The following PIK3C2G variants were observed in gnomAD, a reference collection of about 807,000 sequenced individuals.
PIK3C2G encodes the protein phosphatidylinositol-4-phosphate 3-kinase catalytic subunit type 2 gamma, also known as phosphatidylinositol 3-kinase C2 domain-containing subunit gamma.
Under a neutral mutation model 181.1 loss-of-function variants are expected in PIK3C2G, and 168 were observed. The ratio of observed to expected loss-of-function variants is 0.93; its 90% CI spans 0.82 to 1.05. The LOEUF (loss-of-function observed/expected upper bound fraction) is 1.05. Ranked by LOEUF, PIK3C2G falls within the 50% of genes least tolerant of loss-of-function variation. PIK3C2G has a pLI of 0.00. For synonymous variants in PIK3C2G, 573 were observed against 592.2 expected, an observed-to-expected ratio of 0.97 and a Z score of 0.47; for missense variants, 1,869 against 1,732.8, an observed-to-expected ratio of 1.08 and a Z score of -1.40.
At chr12:18,442,253 C>G (rs1946784419) in intron 18 of PIK3C2G, among the ~76,000 whole-genome samples, 1 of 152,012 alleles carries the variant, frequency 6.6e-6, no homozygotes, top group South Asian at 2.1e-4. Context: ...ACTCTATTAA[C>G]CTCACCCAGA....
intron 5 of PIK3C2G, among the ~76,000 whole-genome samples, chr12:18,297,753 T>C (rs1950003189): frequency 6.6e-6 from 1 of 151,978 alleles, no homozygotes. Context: ...AGATAACCAT[T>C]TTTAGTTCCC....
At chr12:18,471,825 T>G (rs1219312729) in intron 18 of PIK3C2G, among the ~76,000 whole-genome samples, 1 of 152,170 alleles carries the variant, frequency 6.6e-6, no homozygotes, top group Non-Finnish European at 1.5e-5. Flanking sequence ...GCTAGAAATT[T>G]TTATGCTTCA....
upstream of PIK3C2G, among the ~76,000 whole-genome samples, chr12:18,256,683 C>T (rs528226565): frequency 2.6e-5 from 4 of 152,216 alleles, no homozygotes; most frequent in East Asian, 5.8e-4. Flanking sequence ...GGCAAGTAAT[C>T]TCCCTTTTTA....
At chr12:18,611,478 C>T (rs565687517) in intron 31 of PIK3C2G, among the ~76,000 whole-genome samples, 2 of 152,174 alleles carry the variant, frequency 1.3e-5, no homozygotes, top group African/African-American at 4.8e-5. Context: ...TGGCTTTAAA[C>T]ATTACTTACT....
intron 23 of PIK3C2G, among the ~76,000 whole-genome samples, chr12:18,503,856 T>A (rs1403714453): frequency 6.6e-6 from 1 of 152,238 alleles, no homozygotes. Context: ...TTTTACCAAA[T>A]GTACTGTTTT....
chr12:18,276,641 G>A (rs1452793702), intron 1 of PIK3C2G, among the ~76,000 whole-genome samples: 3 of 152,098 alleles, frequency 2.0e-5, no homozygotes, highest in African/African-American at 7.2e-5. Context: ...GTGTATTAAA[G>A]TTATTCCTAT....
At chr12:18,527,193 C>CAA (rs1943282208) in intron 24 of PIK3C2G, among the ~76,000 whole-genome samples, 1 of 152,140 alleles carries the variant, frequency 6.6e-6, no homozygotes, top group Non-Finnish European at 1.5e-5. Context: ...GTCTAAGGTA[C>CAA]AATGTGCTTG....
chr12:18,297,898 T>C (rs1234401379), intron 5 of PIK3C2G, among the ~76,000 whole-genome samples: 1 of 152,084 alleles, frequency 6.6e-6, no homozygotes, highest in Admixed American at 6.6e-5. Context: ...TGTGTATGTA[T>C]ACCACATTTT....
intron 31 of PIK3C2G, 103 bp downstream of exon 31, chr12:18,609,732 T>C: frequency 1.5e-6 from 1 of 662,570 alleles, no homozygotes. Flanking sequence ...AATGGGTATC[T>C]CCGCCAAGTT....
At position 18,420,693 on chromosome 12, in the gene PIK3C2G, C is replaced by T. The variant is rs536954648; in HGVS notation, c.2316-248C>T. Among the ~76,000 whole-genome samples, 7 of 151,948 alleles carry T rather than the reference C, an allele frequency of 4.6e-5. No individual in the cohort carries two copies. The South Asian group carries it at 1.2e-3, about 27-fold the overall frequency. On this transcript the variant is annotated intron_variant, in intron 16 of 32. Coordinates refer to ENST00000538779, the MANE Select transcript of PIK3C2G (RefSeq NM_001288772.2). ...ATCCACATTTTATAGATAAGAAAGC[C>T]GGCAGGAATCAGACTTAAAACCACA...
the PIK3C2G span, among the ~76,000 whole-genome samples, chr12:18,657,601 G>A: frequency 7.8e-3 from 1,184 of 152,108 alleles, 14 homozygotes; most frequent in African/African-American, 0.027. Flanking sequence ...TAAGCTAACC[G>A]AAAAGAGAAT....
intron 12 of PIK3C2G, among the ~76,000 whole-genome samples, chr12:18,363,326 A>G (rs1376323433): frequency 6.6e-6 from 1 of 152,154 alleles, no homozygotes; most frequent in African/African-American, 2.4e-5. Context: ...TTTTTTGACA[A>G]TAAACATCTA....
chr12:18,556,644 C>T (rs191649133), intron 26 of PIK3C2G, among the ~76,000 whole-genome samples: 6 of 152,042 alleles, frequency 3.9e-5, no homozygotes, highest in African/African-American at 9.7e-5. Flanking sequence ...TTTGTTGGAT[C>T]GATGTTCAAT....
chr12:18,271,027 C>G (rs890393205), intron 1 of PIK3C2G, among the ~76,000 whole-genome samples: 4 of 152,068 alleles, frequency 2.6e-5, no homozygotes, highest in Non-Finnish European at 4.4e-5. Flanking sequence ...AGACTTGGCT[C>G]TCCCTTAGGA....
chr12:18,463,558 G>A (rs545956156), intron 18 of PIK3C2G, among the ~76,000 whole-genome samples: 2 of 152,260 alleles, frequency 1.3e-5, no homozygotes, highest in East Asian at 1.9e-4. Flanking sequence ...CTGCATCAGC[G>A]ATTATATGAT....
intron 15 of PIK3C2G, among the ~76,000 whole-genome samples, chr12:18,398,056 G>A (rs1051603261): frequency 5.3e-5 from 8 of 152,140 alleles, no homozygotes; most frequent in African/African-American, 1.7e-4. Context: ...CCATTTATAT[G>A]AGGTTCTAAA....
At chr12:18,607,622 T>C (rs539961526) in intron 30 of PIK3C2G, among the ~76,000 whole-genome samples, 1 of 152,194 alleles carries the variant, frequency 6.6e-6, no homozygotes, top group South Asian at 2.1e-4. Flanking sequence ...GCAATACCAT[T>C]CAGGACATAG....
At chr12:18,609,019 C>T (rs10841046) in intron 30 of PIK3C2G, among the ~76,000 whole-genome samples, 5,501 of 152,132 alleles carry the variant, frequency 0.036, 129 homozygotes, top group Non-Finnish European at 0.053. Flanking sequence ...CCACTTACTA[C>T]GTGACAACTT....
At chr12:18,690,995 G>C in the PIK3C2G span, among the ~76,000 whole-genome samples, 90 of 152,276 alleles carry the variant, frequency 5.9e-4, no homozygotes, top group Non-Finnish European at 1.1e-3. Flanking sequence ...TCAACTTGTG[G>C]AGAATAGATA....
Sources: gnomAD v4.1 joint callset for allele counts (sites outside exome capture counted in the v4.1 genomes callset) on GRCh38, gnomAD v4.1.1 for gene constraint, MANE v1.5 for transcripts, NCBI Gene and HGNC (gene_info 2026-07-23, HGNC 2026-07-21) for gene names.